Variants in CA7 observed in about 807,000 individuals in gnomAD.
CA7 encodes carbonate dehydratase VII.
CA7 carries 13 observed loss-of-function variants against 31.4 expected under a neutral mutation model. The ratio of observed to expected loss-of-function variants is 0.41; its 90% CI spans 0.27 to 0.66. The LOEUF (loss-of-function observed/expected upper bound fraction) is 0.66, where lower values mean the gene tolerates loss of function less well. CA7 is among the 30% of genes least tolerant of loss of function. The pLI is 0.28. For synonymous variants in CA7, 128 were observed against 133.2 expected, an observed-to-expected ratio of 0.96 and a Z score of 0.27; for missense variants, 215 against 351.0, an observed-to-expected ratio of 0.61 and a Z score of 3.10.
At chr16:66,845,257 G>A in intron 1 of CA7, 1 of 984,386 alleles carries the variant, frequency 1.0e-6, no homozygotes. Flanking sequence ...CGGCTGGAGT[G>A]TGGGTCTGGG....
intron 2 of CA7, 38 bp downstream of exon 2, chr16:66,847,265 G>T (rs767073021): frequency 6.3e-7 from 1 of 1,580,552 alleles, no homozygotes; most frequent in Non-Finnish European, 8.7e-7. Flanking sequence ...CCTGGCCCCT[G>T]GCCCCTTAGG....
intron 1 of CA7, 102 bp downstream of exon 1, chr16:66,844,629 C>A: frequency 9.6e-7 from 1 of 1,046,688 alleles, no homozygotes; most frequent in Non-Finnish European, 1.4e-6. Context: ...GGAAAGCTCC[C>A]ACACTCCAGG....
Position 66,844,526 on chromosome 16 carries a change from C to T in CA7, c.39C>T (p.Asp13=). 6.5e-7 allele frequency: 1 copy of T among 1,542,908 alleles called. No homozygotes were observed. Among genetic ancestry groups the T allele is most frequent in the South Asian group, 1.2e-5 (1 of 82,880 alleles). The part of the protein sequence containing the change: ...GHHGWGYGQD[D]GPSHWHKLYP... ...ACGGCTGGGGCTACGGCCAGGACGA[C>T]GGTAGGCACAGACCTCCCCCACCGC... Residue 13 remains aspartate, a splice_region_variant and synonymous_variant, in exon 1 of 7, where the codon GAC becomes GAT. Coordinates refer to ENST00000338437, the MANE Select transcript of CA7 (RefSeq NM_005182.3).
At chr16:66,852,937 C>A in intron 6 of CA7, 70 bp downstream of exon 6, 2 of 1,379,736 alleles carry the variant, frequency 1.4e-6, no homozygotes, top group Non-Finnish European at 2.0e-6. Flanking sequence ...TGTGACTCTC[C>A]AACTAGCACC....
chr16:66,851,249 G>A (rs922819494), intron 3 of CA7, among the ~76,000 whole-genome samples: 5 of 152,190 alleles, frequency 3.3e-5, no homozygotes, highest in Admixed American at 6.5e-5. Flanking sequence ...TGGGTCCCCC[G>A]GAGCCCAGAA....
chr16:66,844,555 T>C, intron 1 of CA7, 28 bp downstream of exon 1: 3 of 1,533,210 alleles, frequency 2.0e-6, no homozygotes, highest in East Asian at 2.5e-5. Flanking sequence ...CCACCGCCTC[T>C]GGCTCGGACC....
chr16:66,850,372 T>A (rs1317171090), intron 2 of CA7, among the ~76,000 whole-genome samples, 169 bp from the exon 3 acceptor site: 1 of 151,950 alleles, frequency 6.6e-6, no homozygotes, highest in Non-Finnish European at 1.5e-5. Flanking sequence ...GGCCAGGAGG[T>A]TGAGGCTATC....
chr16:66,847,220 C>T lies in CA7; in HGVS notation c.231C>T (p.Asp77=), dbSNP rs773546271. 3 of 1,614,158 alleles carry T rather than the reference C, an allele frequency of 1.9e-6. No individual in the cohort carries two copies. The South Asian group carries it at 3.3e-5, about 18-fold the overall frequency. The change falls in exon 2 of 7, where the codon GAC becomes GAT. Residue 77 remains aspartate (D), a synonymous_variant. Transcript: ENST00000338437. ...AGGTAGACTTCAATGACAGCGATGACCGAACCGGTAAGTGGCCCCTGCCAA... is the reference window on the plus strand; with the variant it reads ...AGGTAGACTTCAATGACAGCGATGATCGAACCGGTAAGTGGCCCCTGCCAA... ...SVQVDFNDSD[D]RTVVTGGPLE... is the part of the protein sequence containing the mutation.
chr16:66,852,961 TC>T, intron 6 of CA7, 94 bp downstream of exon 6: 1 of 1,156,042 alleles, frequency 8.7e-7, no homozygotes, highest in Non-Finnish European at 1.2e-6. Context: ...CAGCCCGTGA[TC>T]CCACCTTCAA....
chr16:66,844,802 A>T (rs1013648165), intron 1 of CA7: 1 of 819,180 alleles, frequency 1.2e-6, no homozygotes, highest in Admixed American at 4.3e-5. Context: ...CTGATTGCCC[A>T]GCCCGCTCAG....
intron 2 of CA7, 71 bp from the exon 3 acceptor site, chr16:66,850,470 C>T: frequency 1.1e-6 from 1 of 881,306 alleles, no homozygotes; most frequent in Non-Finnish European, 1.9e-6. Context: ...TCCTGGGCTG[C>T]TGCCCTGGTC....
rs1464840500 is a variant in CA7 at position 66,844,961 on chromosome 16, G to C, written c.40+434G>C. 13 of 999,698 alleles carry C rather than the reference G, an allele frequency of 1.3e-5. No homozygotes were observed. In the African/African-American group the frequency reaches 1.7e-4, roughly 13 times the overall value. 61.9% of individuals were successfully genotyped at this position (999,698 alleles called of 1,614,324 possible). On this transcript the variant is annotated intron_variant, in intron 1 of 6. Coordinates refer to ENST00000338437, the MANE Select transcript of CA7 (RefSeq NM_005182.3). ...AAGTGAGCGGGGACCTCGGGGGAGCGGGGCTCCGCGTGGCAAGGGCGCAGT... is the reference window on the plus strand; with the variant it reads ...AAGTGAGCGGGGACCTCGGGGGAGCCGGGCTCCGCGTGGCAAGGGCGCAGT...
Position 66,854,106 on chromosome 16 carries a change from C to T in CA7, c.*608C>T, listed in dbSNP as rs1961124750. 6.5e-6 allele frequency: 1 copy of T among 153,716 alleles called. No homozygotes were observed. The highest frequency in any genetic ancestry group is 2.4e-5 in the African/African-American group (1 of 41,466). 9.5% of individuals were successfully genotyped at this position (153,716 alleles called of 1,614,324 possible). Reference sequence around the variant, plus strand: ...CACCAAAGCCACCTACATGACAGTCCATCCCTGTTGAATTAATAAATTAAT... The same window carrying T: ...CACCAAAGCCACCTACATGACAGTCTATCCCTGTTGAATTAATAAATTAAT... On this transcript the variant is annotated 3_prime_UTR_variant, in exon 7 of 7. Coordinates refer to ENST00000338437, the MANE Select transcript of CA7 (RefSeq NM_005182.3).
At chr16:66,849,530 G>C (rs1960995250) in intron 2 of CA7, among the ~76,000 whole-genome samples, 1 of 152,164 alleles carries the variant, frequency 6.6e-6, no homozygotes, top group Admixed American at 6.5e-5. Context: ...GTAGAATATG[G>C]ATAATAATAA....
rs979785999 is a variant in CA7 at position 66,850,667 on chromosome 16, C to T, written c.357+8C>T. On this transcript the variant is annotated splice_region_variant and intron_variant, in intron 3 of 6. Transcript: ENST00000338437. ...AAGTCCTTCCCCAGCGAGGTACGGG[C>T]CCTCCTCCACTTGAATCCCTCTGCT... 3 of 1,564,546 alleles carry T rather than the reference C, an allele frequency of 1.9e-6. No homozygotes were observed. Among genetic ancestry groups the T allele is most frequent in the Admixed American group, 1.7e-5 (1 of 59,954 alleles).
Position 66,850,566 on chromosome 16 carries a change from G to A in CA7, c.264G>A (p.Gly88=), listed in dbSNP as rs1435287713. ...TGGTGACTGGGGGCCCCCTGGAAGGGCCCTACCGCCTCAAGCAGTTTCACT... is the reference window on the plus strand; with the variant it reads ...TGGTGACTGGGGGCCCCCTGGAAGGACCCTACCGCCTCAAGCAGTTTCACT... The part of the protein sequence containing the change: ...RTVVTGGPLE[G]PYRLKQFHFH... The change falls in exon 3 of 7, where the codon GGG becomes GGA. Residue 88 remains glycine (G), a synonymous_variant. Coordinates refer to ENST00000338437, the MANE Select transcript of CA7 (RefSeq NM_005182.3). 1 of 1,613,578 alleles carries A rather than the reference G, an allele frequency of 6.2e-7. No homozygotes were observed. Among genetic ancestry groups the A allele is most frequent in the Non-Finnish European group, 8.5e-7 (1 of 1,179,674 alleles).
chr16:66,851,352 C>A, intron 3 of CA7, 111 bp from the exon 4 acceptor site: 1 of 917,972 alleles, frequency 1.1e-6, no homozygotes, highest in Non-Finnish European at 1.8e-6. Flanking sequence ...GGCTTGACAG[C>A]TTCCCCTTCC....
chr16:66,844,830 C>G (rs542545729), intron 1 of CA7: 1 of 924,994 alleles, frequency 1.1e-6, no homozygotes, highest in African/African-American at 1.7e-5. Context: ...CCCAGACTCT[C>G]ACTCACTCGC....
intron 2 of CA7, among the ~76,000 whole-genome samples, chr16:66,849,976 C>T (rs1027078767): frequency 2.0e-5 from 3 of 151,720 alleles, no homozygotes; most frequent in South Asian, 2.1e-4. Context: ...AAAAATTAGC[C>T]GGATGTGGTG....
Sources: allele counts gnomAD v4.1 joint callset (sites outside exome capture counted in the v4.1 genomes callset), GRCh38; gene constraint gnomAD v4.1.1; transcripts MANE v1.5; gene names NCBI Gene and HGNC (gene_info 2026-07-23, HGNC 2026-07-21).